Variants in P4HA1 observed in about 807,000 individuals in gnomAD.
P4HA1 encodes prolyl 4-hydroxylase subunit alpha 1, also known as prolyl 4-hydroxylase subunit alpha-1.
In P4HA1, 24 loss-of-function variants were observed where a neutral mutation model predicts 72.8. That is an observed-to-expected ratio of 0.33 (90% CI 0.24 to 0.46). The LOEUF (loss-of-function observed/expected upper bound fraction) is 0.46. P4HA1 is among the 20% of genes least tolerant of loss of function. The pLI is 1.00. For missense variants in P4HA1, 446 were observed against 640.6 expected, an observed-to-expected ratio of 0.70 and a Z score of 3.28; for synonymous variants, 201 against 218.8, an observed-to-expected ratio of 0.92 and a Z score of 0.72.
intron 11 of P4HA1, among the ~76,000 whole-genome samples, chr10:73,016,577 G>A (rs1410667304): frequency 6.6e-6 from 1 of 152,230 alleles, no homozygotes; most frequent in African/African-American, 2.4e-5. Flanking sequence ...AGAAGTTCAA[G>A]ACCAGCCTGG....
rs1210199602 is a variant in P4HA1 at position 73,074,861 on chromosome 10, A to G, written c.23T>C (p.Ile8Thr). The stretch of plus-strand genomic sequence containing the variant: ...CAAAGACTGGGGAAGCAGAATTCCT[A>G]TAATTAATATATACCAGATCATCTT... MIWYILI[I>T]GILLPQSLAH... Residue 8 changes from isoleucine to threonine, a missense_variant, in exon 2 of 15, where the codon ATA becomes ACA. Coordinates refer to ENST00000394890, the MANE Select transcript of P4HA1 (RefSeq NM_001017962.3). 4 of 1,536,436 alleles carry G rather than the reference A, an allele frequency of 2.6e-6. No individual in the cohort carries two copies. Among genetic ancestry groups the G allele is most frequent in the South Asian group, 1.1e-5 (1 of 89,240 alleles).
intron 5 of P4HA1, among the ~76,000 whole-genome samples, chr10:73,060,965 A>G (rs1025254214): frequency 2.6e-5 from 4 of 152,202 alleles, no homozygotes; most frequent in African/African-American, 9.7e-5. Context: ...CAGGGTAACC[A>G]AATGGTTCAT....
rs200631720 is a variant in P4HA1, at chr10:73,008,054, G to C, written c.*168C>G. On this transcript the variant is annotated 3_prime_UTR_variant, in exon 15 of 15. Coordinates refer to ENST00000394890, the MANE Select transcript of P4HA1 (RefSeq NM_001017962.3). ...TGATGATTTCGTGTTACTTTTAAAA[G>C]AACCCACAAAGTAAGCAATTGTCCA... 5.3e-6 allele frequency: 2 copies of C among 380,376 alleles called. No homozygotes were observed. Among genetic ancestry groups the C allele is most frequent in the Non-Finnish European group, 9.2e-6 (2 of 218,384 alleles). 23.6% of individuals were successfully genotyped at this position (380,376 alleles called of 1,614,324 possible).
At chr10:73,038,616 T>C (rs1210741830) in intron 9 of P4HA1, among the ~76,000 whole-genome samples, 2 of 142,766 alleles carry the variant, frequency 1.4e-5, no homozygotes, top group Non-Finnish European at 3.0e-5. Flanking sequence ...TTAGGGTTTT[T>C]ATTTGCTTTT....
intron 7 of P4HA1, 53 bp downstream of exon 7, chr10:73,051,000 C>G (rs1386377942): frequency 8.0e-7 from 1 of 1,256,978 alleles, no homozygotes; most frequent in East Asian, 2.3e-5. Flanking sequence ...GAACTGTGTA[C>G]AAACACATAC....
intron 13 of P4HA1, among the ~76,000 whole-genome samples, chr10:73,010,187 C>T (rs1015899797): frequency 1.4e-4 from 21 of 152,158 alleles, no homozygotes; most frequent in African/African-American, 4.1e-4. Flanking sequence ...AGGCTGGTCT[C>T]GAACTCCTAA....
intron 1 of P4HA1, among the ~76,000 whole-genome samples, chr10:73,089,873 G>A (rs1468568069): frequency 2.6e-5 from 4 of 152,172 alleles, no homozygotes; most frequent in African/African-American, 9.7e-5. Context: ...GGATACTGCC[G>A]ATGCCCCGGC....
At chr10:73,074,435 T>C (rs1293414342) in intron 2 of P4HA1, among the ~76,000 whole-genome samples, 3 of 152,050 alleles carry the variant, frequency 2.0e-5, no homozygotes, top group African/African-American at 7.2e-5. Flanking sequence ...CTGGTCAACA[T>C]GGTGAGACCC....
intron 2 of P4HA1, 21 bp downstream of exon 2, chr10:73,074,787 A>T (rs2133137151): frequency 1.5e-6 from 2 of 1,343,562 alleles, no homozygotes. Flanking sequence ...CCAACAAAAA[A>T]CAACAAGTAG....
At chr10:73,070,430 T>C (rs1405265418) in intron 4 of P4HA1, among the ~76,000 whole-genome samples, 1 of 152,112 alleles carries the variant, frequency 6.6e-6, no homozygotes, top group East Asian at 1.9e-4. Context: ...CTACTAGGAT[T>C]ACAGGCGTGA....
chr10:73,034,844 G>A (rs1186540680), intron 9 of P4HA1, among the ~76,000 whole-genome samples: 1 of 152,014 alleles, frequency 6.6e-6, no homozygotes, highest in Non-Finnish European at 1.5e-5. Flanking sequence ...GCCTCCCAAA[G>A]TGCTGAGATT....
chr10:73,075,817 C>CACCT (rs1841685693), intron 1 of P4HA1, among the ~76,000 whole-genome samples: 1 of 151,902 alleles, frequency 6.6e-6, no homozygotes, highest in African/African-American at 2.4e-5. Flanking sequence ...GTGATCCGCC[C>CACCT]ACCTCATCCT....
At chr10:73,090,061 TG>T (rs1294509652) in intron 1 of P4HA1, among the ~76,000 whole-genome samples, 2 of 152,186 alleles carry the variant, frequency 1.3e-5, no homozygotes, top group Non-Finnish European at 2.9e-5. Flanking sequence ...CTTGAACTTC[TG>T]GGCTCAAGCA....
chr10:73,053,429 C>T lies in P4HA1; in HGVS notation c.625G>A (p.Asp209Asn). Residue 209 changes from aspartate (D) to asparagine (N), a missense_variant, in exon 6 of 15, where the codon GAT becomes AAT. Transcript: ENST00000394890. ...TGATATACCGCATAGCTCAAATAAT[C>T]TAGAACAGAGACTTTATCTATGGTA... ...ISTIDKVSVL[D>N]YLSYAVYQQG... 6.2e-7 allele frequency: 1 copy of T among 1,614,130 alleles called. No homozygotes were observed.
At chr10:73,091,060 CAAAAAAAAAAAAA>C (rs202009101) in intron 1 of P4HA1, among the ~76,000 whole-genome samples, 5 of 49,390 alleles carry the variant, frequency 1.0e-4, no homozygotes, top group Admixed American at 2.4e-4. Context: ...GAGTCCATCT[CAAAAAAAAAAAAA>C]AAAAAAAAAA....
At chr10:73,059,480 A>C (rs1841255283) in intron 5 of P4HA1, among the ~76,000 whole-genome samples, 1 of 138,256 alleles carries the variant, frequency 7.2e-6, no homozygotes, top group Admixed American at 7.9e-5. Flanking sequence ...GCAGTGGCTC[A>C]CGCCTGTAAT....
chr10:73,047,969 T>C (rs1840913770), intron 7 of P4HA1, among the ~76,000 whole-genome samples: 1 of 152,126 alleles, frequency 6.6e-6, no homozygotes, highest in African/African-American at 2.4e-5. Context: ...GGAGGACTGC[T>C]TAAGCCCAGG....
At chr10:73,010,491 T>C (rs996128089) in intron 13 of P4HA1, among the ~76,000 whole-genome samples, 2 of 152,186 alleles carry the variant, frequency 1.3e-5, no homozygotes, top group Non-Finnish European at 2.9e-5. Context: ...AGAACCCATT[T>C]TAGAAATGAA....
chr10:73,075,886 T>C (rs1841687153), intron 1 of P4HA1, among the ~76,000 whole-genome samples: 1 of 152,064 alleles, frequency 6.6e-6, no homozygotes, highest in Admixed American at 6.6e-5. Flanking sequence ...TTTTCCTATA[T>C]AGCTTAACTT....
Sources: allele counts gnomAD v4.1 joint callset (sites outside exome capture counted in the v4.1 genomes callset), GRCh38; gene constraint gnomAD v4.1.1; transcripts MANE v1.5; gene names NCBI Gene and HGNC (gene_info 2026-07-23, HGNC 2026-07-21).